The following ADGRA2 variants were observed in gnomAD, a reference collection of about 807,000 sequenced individuals.
ADGRA2 encodes the protein G-protein coupled receptor 124.
A neutral mutation model predicts 98.7 loss-of-function variants in ADGRA2; 61 were observed. That is an observed-to-expected ratio of 0.62 (90% CI 0.50 to 0.76). The LOEUF is 0.76. ADGRA2 is among the 30% of genes least tolerant of loss of function. The pLI, the probability that ADGRA2 is intolerant of heterozygous loss-of-function variation, is 0.00. For missense variants in ADGRA2, 1,712 were observed against 1,860.0 expected, an observed-to-expected ratio of 0.92 and a Z score of 1.46; for synonymous variants, 858 against 831.5, an observed-to-expected ratio of 1.03 and a Z score of -0.55.
rs541187375 is a variant in ADGRA2 at position 37,841,663 on chromosome 8, G to A, written c.3325G>A (p.Val1109Met). Residue 1109 changes from valine to methionine, a missense_variant, in exon 19 of 19, where the codon GTG becomes ATG. Physicochemically the swap from Val to Met is conservative, Grantham distance 21. Transcript: ENST00000412232. This position sits in a 1 kb window ranked among gnomAD's most constrained non-coding sequence, Gnocchi z 5.0. ...LPAAAEDGSP[V>M]FGEGPPSLKS... is the part of the protein sequence containing the mutation. Reference sequence around the variant, plus strand: ...CGCCGCCGCAGAGGACGGTTCCCCGGTGTTCGGGGAGGGCCCCCCCTCCCT... The same window carrying A: ...CGCCGCCGCAGAGGACGGTTCCCCGATGTTCGGGGAGGGCCCCCCCTCCCT... 2.4e-4 allele frequency: 369 copies of A among 1,528,824 alleles called. 3 individuals are homozygous for A. In the African/African-American group the frequency reaches 4.1e-3, roughly 17 times the overall value. 94.7% of individuals were successfully genotyped at this position (1,528,824 alleles called of 1,614,324 possible).
chr8:37,828,986 C>T, intron 3 of ADGRA2, 27 bp downstream of exon 3: 1 of 1,497,946 alleles, frequency 6.7e-7, no homozygotes, highest in Non-Finnish European at 9.0e-7. Context: ...CCCCTGACCC[C>T]ACCCCTCCCC....
At chr8:37,805,458 C>T (rs1342557390) in intron 1 of ADGRA2, among the ~76,000 whole-genome samples, 1 of 152,110 alleles carries the variant, frequency 6.6e-6, no homozygotes, top group Non-Finnish European at 1.5e-5. Context: ...AGGTCTGCGC[C>T]GCGTGTGTTG....
chr8:37,820,787 G>C (rs1203268334), intron 2 of ADGRA2, among the ~76,000 whole-genome samples: 1 of 151,578 alleles, frequency 6.6e-6, no homozygotes, highest in African/African-American at 2.4e-5. Context: ...TGTTGTACAG[G>C]AGCTGGGAGT....
intron 2 of ADGRA2, among the ~76,000 whole-genome samples, chr8:37,815,315 G>C (rs976428408): frequency 6.6e-6 from 1 of 152,234 alleles, no homozygotes; most frequent in Non-Finnish European, 1.5e-5. Flanking sequence ...AAAGGGCGGA[G>C]GGCAGCTTAA....
chr8:37,829,406 C>A, intron 4 of ADGRA2, 74 bp downstream of exon 4: 2 of 1,530,610 alleles, frequency 1.3e-6, no homozygotes, highest in Non-Finnish European at 9.1e-7. Flanking sequence ...TGGCCCCCAA[C>A]CCTTCCACAT....
chr8:37,835,775 G>A lies in ADGRA2; in HGVS notation c.2050+5G>A, dbSNP rs1805593140. 2.3e-5 allele frequency: 36 copies of A among 1,593,298 alleles called. No homozygotes were observed. Among genetic ancestry groups the A allele is most frequent in the Non-Finnish European group, 3.0e-5 (35 of 1,162,000 alleles). Reference sequence around the variant, plus strand: ...CCGTCATCTTCGCAGGAACCAGTAAGGGACTGAATTCCCCGCCCCGCCCAG... The same window carrying A: ...CCGTCATCTTCGCAGGAACCAGTAAAGGACTGAATTCCCCGCCCCGCCCAG... On this transcript the variant is annotated splice_donor_5th_base_variant and intron_variant, in intron 13 of 18. Coordinates refer to ENST00000412232, the MANE Select transcript of ADGRA2 (RefSeq NM_032777.10).
intron 1 of ADGRA2, among the ~76,000 whole-genome samples, chr8:37,812,267 C>A (rs1804856015): frequency 6.6e-6 from 1 of 152,092 alleles, no homozygotes; most frequent in African/African-American, 2.4e-5. Context: ...TGAGGAATCA[C>A]CCCCACCAAC....
chr8:37,835,359 C>T lies in ADGRA2; in HGVS notation c.1794C>T (p.Thr598=), dbSNP rs764348550. The stretch of plus-strand genomic sequence containing the variant: ...AGCAGCTCCGCTTCCGCTGCACCAC[C>T]GGGAGGCCCAATGTTTCTCTGTCGT... ...ADQQLRFRCT[T]GRPNVSLSSF... is the part of the protein sequence containing the mutation. The change falls in exon 12 of 19, where the codon ACC becomes ACT. Residue 598 remains threonine (T), a synonymous_variant. Transcript: ENST00000412232. 8.1e-6 allele frequency: 13 copies of T among 1,612,322 alleles called. No homozygotes were observed. Among genetic ancestry groups the T allele is most frequent in the Middle Eastern group, 1.7e-4 (1 of 5,766 alleles).
At position 37,835,772 on chromosome 8, in the gene ADGRA2, T is replaced by A; in HGVS notation, c.2050+2T>A. 6.2e-7 allele frequency: 1 copy of A among 1,602,598 alleles called. No homozygotes were observed. The highest frequency in any genetic ancestry group is 8.5e-7 in the Non-Finnish European group (1 of 1,170,408). On this transcript the variant is annotated splice_donor_variant, in intron 13 of 18. Coordinates refer to ENST00000412232, the MANE Select transcript of ADGRA2 (RefSeq NM_032777.10). LOFTEE classifies it high-confidence loss of function. ...CCCCCGTCATCTTCGCAGGAACCAGTAAGGGACTGAATTCCCCGCCCCGCC... is the reference window on the plus strand; with the variant it reads ...CCCCCGTCATCTTCGCAGGAACCAGAAAGGGACTGAATTCCCCGCCCCGCC...
At chr8:37,804,073 A>C (rs1234053082) in intron 1 of ADGRA2, among the ~76,000 whole-genome samples, 1 of 147,220 alleles carries the variant, frequency 6.8e-6, no homozygotes, top group Non-Finnish European at 1.5e-5. Flanking sequence ...GTCTACCCCC[A>C]GGGAGGGGCC....
At chr8:37,820,439 A>T (rs1454531752) in intron 2 of ADGRA2, among the ~76,000 whole-genome samples, 1 of 152,342 alleles carries the variant, frequency 6.6e-6, no homozygotes, top group African/African-American at 2.4e-5. Context: ...GGCAATTCTC[A>T]TGCTCATCCA....
intron 1 of ADGRA2, among the ~76,000 whole-genome samples, chr8:37,810,498 G>GCT (rs762577419): frequency 5.3e-5 from 8 of 150,616 alleles, no homozygotes; most frequent in Non-Finnish European, 4.4e-5. Context: ...ACAGAGCAAG[G>GCT]CTCTCTCTCT....
intron 8 of ADGRA2, among the ~76,000 whole-genome samples, 172 bp from the exon 9 acceptor site, chr8:37,832,838 G>A (rs1040142633): frequency 6.6e-5 from 10 of 152,120 alleles, no homozygotes; most frequent in South Asian, 4.1e-4. Context: ...GTGATAGCCC[G>A]GTCAGAACAA....
At position 37,833,015 on chromosome 8, in the gene ADGRA2, C is replaced by T; in HGVS notation, c.1103C>T (p.Pro368Leu). ...VANNRGDFRW[P>L]RTLAGITAYQ... ...CTTCCTGCCTCTCCCCCCAGGTGGC[C>T]CCGAACTCTGGCTGGCATCACAGCC... Residue 368 changes from proline to leucine, a missense_variant, in exon 9 of 19, where the codon CCC becomes CTC. Transcript: ENST00000412232. 1 of 1,611,942 alleles carries T rather than the reference C, an allele frequency of 6.2e-7. No homozygotes were observed. Among genetic ancestry groups the T allele is most frequent in the Non-Finnish European group, 8.5e-7 (1 of 1,179,324 alleles).
rs933934078 is a variant in ADGRA2, at chr8:37,823,886, T to C, written c.339-5002T>C. The stretch of plus-strand genomic sequence containing the variant: ...TCTATTCAGATCCTTTGCCCATTTT[T>C]TTCAACTGGGTTATTTGTCTTTCTG... On this transcript the variant is annotated intron_variant, in intron 2 of 18. Transcript: ENST00000412232. Among the ~76,000 whole-genome samples the C allele has an allele frequency of 3.3e-5, 5 of 152,240 alleles. No individual in the cohort carries two copies. The East Asian group carries it at 9.6e-4, about 29-fold the overall frequency.
At chr8:37,839,728 C>T (rs547552754) in intron 16 of ADGRA2, 106 bp downstream of exon 16, 31 of 1,414,468 alleles carry the variant, frequency 2.2e-5, no homozygotes, top group African/African-American at 2.8e-5. Context: ...GCTCATAGGC[C>T]GTGGCTCCAT....
intron 3 of ADGRA2, 21 bp downstream of exon 3, chr8:37,828,980 T>C (rs1002050272): frequency 1.8e-5 from 28 of 1,513,976 alleles, no homozygotes; most frequent in Non-Finnish European, 2.5e-5. Context: ...CGCCCTCCCC[T>C]GACCCCACCC....
chr8:37,840,960 C>T, intron 18 of ADGRA2, 111 bp downstream of exon 18: 2 of 1,182,604 alleles, frequency 1.7e-6, no homozygotes, highest in Non-Finnish European at 2.5e-6. Context: ...AACCCAAGCC[C>T]ATGCATGCTG....
In ADGRA2 at chr8:37,841,938, G is replaced by A; in HGVS notation, c.3600G>A (p.Arg1200=). The part of the protein sequence containing the change: ...HRAGEACGKN[R]LKALRGGAAG... ...CGGGGGAGGCCTGCGGCAAGAACCG[G>A]CTCAAGGCCCTGCGCGGGGGCGCGG... is the stretch of plus-strand genomic sequence containing the variant. Residue 1200 remains arginine, a synonymous_variant, in exon 19 of 19, where the codon CGG becomes CGA. Coordinates refer to ENST00000412232, the MANE Select transcript of ADGRA2 (RefSeq NM_032777.10). The surrounding 1 kb of genome is among the most constrained non-coding windows in gnomAD (Gnocchi z 5.0). The A allele has an allele frequency of 6.6e-7, 1 of 1,516,494 alleles. No homozygotes were observed. The highest frequency in any genetic ancestry group is 8.8e-7 in the Non-Finnish European group (1 of 1,140,046). 93.9% of individuals were successfully genotyped at this position (1,516,494 alleles called of 1,614,324 possible). A position where few individuals can be genotyped will look rare whatever the true frequency, so the allele number is the denominator to read the frequency against.
Sources: allele counts gnomAD v4.1 joint callset (sites outside exome capture counted in the v4.1 genomes callset), GRCh38; gene constraint gnomAD v4.1.1; non-coding constraint Gnocchi (gnomAD v3.1); transcripts MANE v1.5; gene names NCBI Gene and HGNC (gene_info 2026-07-23, HGNC 2026-07-21).